The following FBXO36 variants were observed in gnomAD, a reference collection of about 807,000 sequenced individuals.
The protein encoded by FBXO36 is F-box only protein 36.
Under a neutral mutation model 17.0 loss-of-function variants are expected in FBXO36, and 18 were observed. The ratio of observed to expected loss-of-function variants is 1.06; its 90% CI spans 0.73 to 1.57. The LOEUF is 1.57. FBXO36 is among the 40% of genes most tolerant of loss of function. The pLI is 0.00. For synonymous variants in FBXO36, 83 were observed against 85.3 expected (o/e 0.97, Z 0.15); for missense variants, 229 against 221.9 (o/e 1.03, Z -0.20).
At chr2:229,964,146 G>A (rs75330128) in intron 1 of FBXO36, among the ~76,000 whole-genome samples, 2,560 of 151,932 alleles carry the variant, frequency 0.017, 68 homozygotes, top group African/African-American at 0.059. Flanking sequence ...AATTGCAAAT[G>A]TTTTTCAGTT....
At chr2:229,937,057 C>T (rs1252764044) in intron 1 of FBXO36, among the ~76,000 whole-genome samples, 2 of 152,070 alleles carry the variant, frequency 1.3e-5, no homozygotes, top group African/African-American at 4.8e-5. Context: ...CTAAAACGCC[C>T]CTGACTATAG....
At chr2:229,967,662 T>G (rs1216640235) in intron 1 of FBXO36, among the ~76,000 whole-genome samples, 1 of 152,170 alleles carries the variant, frequency 6.6e-6, no homozygotes, top group Non-Finnish European at 1.5e-5. Flanking sequence ...TTGGTTCTGT[T>G]TATGTGCTGG....
intron 2 of FBXO36, among the ~76,000 whole-genome samples, chr2:229,982,996 T>G (rs2077248858): frequency 6.6e-6 from 1 of 152,110 alleles, no homozygotes; most frequent in Non-Finnish European, 1.5e-5. Context: ...ATTTTATTTA[T>G]TTTTGAGACA....
rs551125265 is a variant in FBXO36, at chr2:229,997,501, C to T, written c.378+578C>T. On this transcript the variant is annotated intron_variant, in intron 3 of 3. Coordinates refer to ENST00000283946, the MANE Select transcript of FBXO36 (RefSeq NM_174899.5). ...GCTGAGGCAGGAGAATCACTTGAAC[C>T]CGGGAGGTGGAGGTTGCAGTGAGCC... is the stretch of plus-strand genomic sequence containing the variant. Among the ~76,000 whole-genome samples the T allele has an allele frequency of 2.0e-5, 3 of 151,578 alleles. No homozygotes were observed. The East Asian group carries it at 5.8e-4, about 29-fold the overall frequency.
intron 2 of FBXO36, among the ~76,000 whole-genome samples, chr2:229,978,786 A>C (rs550948429): frequency 6.6e-6 from 1 of 152,284 alleles, no homozygotes; most frequent in South Asian, 2.1e-4. Flanking sequence ...TGACATTGCC[A>C]GGACTAAGCA....
intron 1 of FBXO36, among the ~76,000 whole-genome samples, chr2:229,965,882 G>T (rs1034915603): frequency 2.0e-5 from 3 of 152,054 alleles, no homozygotes; most frequent in Admixed American, 1.3e-4. Flanking sequence ...ACAATCCTTT[G>T]GGTATATACC....
intron 2 of FBXO36, among the ~76,000 whole-genome samples, chr2:229,978,553 C>T (rs1252083671): frequency 5.9e-5 from 9 of 152,048 alleles, no homozygotes; most frequent in Non-Finnish European, 1.3e-4. Flanking sequence ...CGCCGTTGCA[C>T]TCCAGCCTGG....
intron 3 of FBXO36, among the ~76,000 whole-genome samples, chr2:230,010,100 A>G (rs1043257695): frequency 2.0e-5 from 3 of 152,096 alleles, no homozygotes; most frequent in Admixed American, 2.0e-4. Flanking sequence ...TGTCTCTACT[A>G]AAAATACAAA....
chr2:229,960,950 A>G (rs1274615453), intron 1 of FBXO36, among the ~76,000 whole-genome samples: 1 of 152,118 alleles, frequency 6.6e-6, no homozygotes, highest in African/African-American at 2.4e-5. Context: ...CTCTACTAAA[A>G]ATACAAAAAT....
intron 1 of FBXO36, chr2:229,939,278 A>G (rs1254586657): frequency 1.2e-5 from 12 of 984,954 alleles, no homozygotes; most frequent in Non-Finnish European, 1.4e-5. Context: ...GGTAAGATAT[A>G]CAATTTTTTT....
Position 229,960,946 on chromosome 2 carries a change from T to C in FBXO36, c.97-15295T>C, listed in dbSNP as rs112512173. 5.2e-3 allele frequency among the ~76,000 whole-genome samples: 795 copies of C among 152,114 alleles called. 10 individuals carry two copies. Among genetic ancestry groups the C allele is most frequent in the African/African-American group, 0.017 (717 of 41,496 alleles). On this transcript the variant is annotated intron_variant, in intron 1 of 3. Transcript: ENST00000283946. ...CAACATGATGAAACCCCAACTCTAC[T>C]AAAAATACAAAAATTAGCTGGGTGT... is the stretch of plus-strand genomic sequence containing the variant.
intron 2 of FBXO36, among the ~76,000 whole-genome samples, chr2:229,980,088 C>T (rs2077230120): frequency 6.6e-6 from 1 of 151,922 alleles, no homozygotes. Context: ...TGCTCTGTCG[C>T]CTAGGGTGGA....
chr2:229,934,976 T>G (rs759471814), intron 1 of FBXO36, among the ~76,000 whole-genome samples: 17 of 152,230 alleles, frequency 1.1e-4, no homozygotes, highest in Non-Finnish European at 2.1e-4. Flanking sequence ...GCTGAGTTTC[T>G]GCAACCATTT....
chr2:229,984,329 A>G (rs2077255936), intron 2 of FBXO36, among the ~76,000 whole-genome samples: 1 of 151,736 alleles, frequency 6.6e-6, no homozygotes. Flanking sequence ...GCCTGGCAAC[A>G]GAGCAAGACT....
At chr2:229,927,637 G>C (rs1317126638) in intron 1 of FBXO36, among the ~76,000 whole-genome samples, 26 of 151,694 alleles carry the variant, frequency 1.7e-4, no homozygotes, top group Non-Finnish European at 1.2e-4. Context: ...ATATGTTATA[G>C]TTAACTCCAG....
chr2:229,970,786 G>C (rs527503690), intron 1 of FBXO36, among the ~76,000 whole-genome samples: 1 of 152,182 alleles, frequency 6.6e-6, no homozygotes, highest in African/African-American at 2.4e-5. Context: ...GGGTAACATA[G>C]ATTTGTCATA....
At chr2:229,979,823 T>C (rs1236725794) in intron 2 of FBXO36, among the ~76,000 whole-genome samples, 1 of 151,972 alleles carries the variant, frequency 6.6e-6, no homozygotes, top group Non-Finnish European at 1.5e-5. Context: ...ATTGTTGGCT[T>C]AAGAACAACC....
intron 2 of FBXO36, among the ~76,000 whole-genome samples, chr2:229,986,534 T>A (rs199921933): frequency 0.098 from 13,901 of 142,002 alleles, 804 homozygotes; most frequent in Middle Eastern, 0.18. Flanking sequence ...AACATAAAAA[T>A]TTTTTTTTTT....
intron 3 of FBXO36, among the ~76,000 whole-genome samples, chr2:229,999,953 C>T (rs1259264948): frequency 6.6e-6 from 1 of 151,964 alleles, no homozygotes; most frequent in Non-Finnish European, 1.5e-5. Context: ...ATATTTTTTA[C>T]TTGATTTTCC....
Sources: gnomAD v4.1 joint callset for allele counts (sites outside exome capture counted in the v4.1 genomes callset) on GRCh38, gnomAD v4.1.1 for gene constraint, MANE v1.5 for transcripts, NCBI Gene and HGNC (gene_info 2026-07-23, HGNC 2026-07-21) for gene names.